CTNNA3: variants seen among roughly 807,000 people sequenced by gnomAD.
CTNNA3 encodes catenin alpha 3.
Under a neutral mutation model 95.7 loss-of-function variants are expected in CTNNA3, and 76 were observed. The observed-to-expected ratio is 0.79, with a 90% CI of 0.66 to 0.96. The LOEUF (loss-of-function observed/expected upper bound fraction) is 0.96, where lower values mean the gene tolerates loss of function less well. CTNNA3 is among the 40% of genes least tolerant of loss of function. The pLI is 0.00. For missense variants in CTNNA3, 1,191 were observed against 1,089.8 expected (o/e 1.09, Z -1.31); for synonymous variants, 431 against 374.4 (o/e 1.15, Z -1.74).
intron 10 of CTNNA3, among the ~76,000 whole-genome samples, chr10:66,566,332 T>G (rs539662414): frequency 6.6e-6 from 1 of 152,228 alleles, no homozygotes; most frequent in South Asian, 2.1e-4. Flanking sequence ...TCAGGGATGA[T>G]TATCACTAGT....
At chr10:67,374,648 T>C (rs1843622805) in intron 5 of CTNNA3, among the ~76,000 whole-genome samples, 1 of 152,138 alleles carries the variant, frequency 6.6e-6, no homozygotes, top group Non-Finnish European at 1.5e-5. Flanking sequence ...TATATATTTA[T>C]GGAGTACATG....
chr10:66,819,987 A>G (rs1296140126), intron 7 of CTNNA3, among the ~76,000 whole-genome samples: 1 of 152,052 alleles, frequency 6.6e-6, no homozygotes, highest in Non-Finnish European at 1.5e-5. Context: ...CTAGGTATGT[A>G]CCAAAGAGAA....
intron 7 of CTNNA3, among the ~76,000 whole-genome samples, chr10:66,921,558 A>C (rs1846786013): frequency 6.6e-6 from 1 of 152,036 alleles, no homozygotes; most frequent in Non-Finnish European, 1.5e-5. Flanking sequence ...CTTGTTGTTC[A>C]TGGAACACAT....
At chr10:67,629,515 C>G (rs1839069362) in intron 2 of CTNNA3, among the ~76,000 whole-genome samples, 1 of 152,108 alleles carries the variant, frequency 6.6e-6, no homozygotes, top group Non-Finnish European at 1.5e-5. Context: ...CAGGAATGAA[C>G]AGAAGAGAAA....
rs913558731 is a variant in CTNNA3, at chr10:67,114,945, G to A, written c.1047+65372C>T. Among the ~76,000 whole-genome samples, 10 of 152,192 alleles carry A rather than the reference G, an allele frequency of 6.6e-5. No homozygotes were observed. In the East Asian group the frequency reaches 1.7e-3, roughly 26 times the overall value. ...ATCAAGAAGACCCCAGGAAGAGTGT[G>A]GGAAAATTTAAATTTGGATACCCCA... On this transcript the variant is annotated intron_variant, in intron 7 of 17. Transcript: ENST00000433211.
chr10:66,825,080 ACACT>A (rs1023131588), intron 7 of CTNNA3, among the ~76,000 whole-genome samples: 17 of 151,600 alleles, frequency 1.1e-4, no homozygotes, highest in African/African-American at 3.9e-4. Context: ...AATTACACAC[ACACT>A]CACACACAGG....
intron 1 of CTNNA3, among the ~76,000 whole-genome samples, chr10:67,661,603 C>T (rs1018663950): frequency 2.0e-5 from 3 of 151,946 alleles, no homozygotes; most frequent in Non-Finnish European, 4.4e-5. Context: ...AAACCATAGA[C>T]GGGGACAAAG....
intron 12 of CTNNA3, among the ~76,000 whole-genome samples, chr10:66,302,120 C>T (rs893118761): frequency 7.2e-5 from 11 of 152,058 alleles, no homozygotes; most frequent in East Asian, 3.9e-4. Context: ...ATAATATCTA[C>T]GAGATCCATG....
At chr10:67,318,598 T>A (rs570605907) in intron 5 of CTNNA3, among the ~76,000 whole-genome samples, 17 of 152,350 alleles carry the variant, frequency 1.1e-4, no homozygotes, top group African/African-American at 3.6e-4. Flanking sequence ...CCATGTTCAC[T>A]CTGCTCCAGC....
intron 7 of CTNNA3, among the ~76,000 whole-genome samples, chr10:66,938,227 T>G (rs1022320875): frequency 3.3e-5 from 5 of 152,148 alleles, no homozygotes; most frequent in Admixed American, 2.6e-4. Context: ...CATTTACCAT[T>G]TAACGGGCTT....
intron 13 of CTNNA3, among the ~76,000 whole-genome samples, chr10:66,272,325 G>T (rs1419063898): frequency 6.6e-6 from 1 of 152,136 alleles, no homozygotes; most frequent in Non-Finnish European, 1.5e-5. Context: ...TAGGAAATCT[G>T]CCTAACACTG....
chr10:66,159,633 T>G (rs2084742593), intron 13 of CTNNA3, among the ~76,000 whole-genome samples: 2 of 150,438 alleles, frequency 1.3e-5, no homozygotes, highest in South Asian at 4.2e-4. Context: ...TCTGTTTTTT[T>G]TTTTTTTTTT....
intron 5 of CTNNA3, among the ~76,000 whole-genome samples, chr10:67,487,450 C>T (rs1156239742): frequency 2.0e-5 from 3 of 152,048 alleles, no homozygotes; most frequent in African/African-American, 7.2e-5. Context: ...CTGGCTGAGT[C>T]ACTCAAATCA....
intron 7 of CTNNA3, among the ~76,000 whole-genome samples, chr10:67,068,264 A>C (rs1856215047): frequency 1.3e-5 from 2 of 152,168 alleles, no homozygotes; most frequent in African/African-American, 4.8e-5. Context: ...GGGATTGGAG[A>C]GTCCAAAATA....
intron 15 of CTNNA3, among the ~76,000 whole-genome samples, chr10:66,036,131 A>T (rs564700581): frequency 2.0e-5 from 3 of 152,098 alleles, no homozygotes; most frequent in Non-Finnish European, 4.4e-5. Context: ...AGAGAAAAAC[A>T]CCTAAAGATG....
chr10:67,371,763 C>T (rs1488928679), intron 5 of CTNNA3, among the ~76,000 whole-genome samples: 1 of 152,168 alleles, frequency 6.6e-6, no homozygotes, highest in Non-Finnish European at 1.5e-5. Flanking sequence ...ATGGCTGGGT[C>T]AAATGGTATT....
At chr10:66,266,633 C>A (rs1020495006) in intron 13 of CTNNA3, among the ~76,000 whole-genome samples, 1 of 152,004 alleles carries the variant, frequency 6.6e-6, no homozygotes, top group Non-Finnish European at 1.5e-5. Flanking sequence ...ATCCCTTCAC[C>A]TTGGCTGCTC....
chr10:66,628,943 T>G (rs989416157), intron 9 of CTNNA3, among the ~76,000 whole-genome samples: 2 of 152,078 alleles, frequency 1.3e-5, no homozygotes, highest in African/African-American at 4.8e-5. Flanking sequence ...GGTAATTAGA[T>G]ATGATTATGT....
intron 1 of CTNNA3, chr10:67,665,569 A>G (rs1426425916): frequency 1.3e-5 from 2 of 152,202 alleles, no homozygotes; most frequent in African/African-American, 4.8e-5. Flanking sequence ...TTGCCCATAT[A>G]CAGATACTAA....
Sources: gnomAD v4.1 joint callset for allele counts (sites outside exome capture counted in the v4.1 genomes callset) on GRCh38, gnomAD v4.1.1 for gene constraint, MANE v1.5 for transcripts, NCBI Gene and HGNC (gene_info 2026-07-23, HGNC 2026-07-21) for gene names.